Variants in HARS2 observed in about 807,000 individuals in gnomAD.
HARS2 encodes histidyl-tRNA synthetase 2, mitochondrial.
HARS2 carries 40 observed loss-of-function variants against 62.4 expected under a neutral mutation model. That is an observed-to-expected ratio of 0.64 (90% CI 0.50 to 0.83). The LOEUF is 0.83. HARS2 is among the 40% of genes least tolerant of loss of function. The pLI is 0.00. For missense variants in HARS2, 569 were observed against 626.4 expected (o/e 0.91, Z 0.98); for synonymous variants, 228 against 227.0 (o/e 1.00, Z -0.04).
In HARS2 at chr5:140,694,205, T is replaced by C. The variant is rs143687204; in HGVS notation, c.324T>C (p.Tyr108=). The part of the protein sequence containing the change: ...FELKETLTEK[Y]GEDSGLMYDL... ...TATAGGAAACCCTGACTGAGAAGTA[T>C]GGAGAGGACTCTGGGCTCATGTATG... Residue 108 remains tyrosine, a synonymous_variant, in exon 4 of 13, where the codon TAT becomes TAC. Coordinates refer to ENST00000230771, the MANE Select transcript of HARS2 (RefSeq NM_012208.4). 4,935 of 1,613,586 alleles carry C rather than the reference T, an allele frequency of 3.1e-3. 10 individuals carry two copies. The highest frequency in any genetic ancestry group is 3.8e-3 in the Non-Finnish European group (4,465 of 1,179,444).
intron 1 of HARS2, chr5:140,692,237 G>C: frequency 5.4e-6 from 1 of 184,052 alleles, no homozygotes; most frequent in South Asian, 9.1e-5. Flanking sequence ...ATAAGGGATT[G>C]TGTACTTGAA....
chr5:140,696,828 C>CTTTTTTTTT, intron 8 of HARS2, 115 bp from the exon 9 acceptor site: 1 of 656,004 alleles, frequency 1.5e-6, no homozygotes, highest in Non-Finnish European at 2.5e-6. Flanking sequence ...AGACTGGGAT[C>CTTTTTTTTT]TTTTTTTTTT....
chr5:140,698,617 G>A lies in HARS2; in HGVS notation c.*65G>A, dbSNP rs531080174. The A allele has an allele frequency of 1.0e-4, 129 of 1,233,282 alleles. No individual in the cohort carries two copies. The highest frequency in any genetic ancestry group is 5.6e-4 in the Middle Eastern group (3 of 5,348). The allele number at this position is 1,233,282 out of a possible 1,614,324, so 76.4% of individuals were successfully genotyped here. On this transcript the variant is annotated 3_prime_UTR_variant, in exon 13 of 13. Transcript: ENST00000230771. ...GTTTCCTCTAGAACTGAATTCCTCT[G>A]GAATTGAGTGATGGACTTCACAACA...
chr5:140,693,386 G>C (rs1223785986), intron 1 of HARS2: 2 of 995,752 alleles, frequency 2.0e-6, no homozygotes, highest in Non-Finnish European at 3.1e-6. Context: ...GTGAAGACCT[G>C]ACCTCATATA....
Position 140,695,608 on chromosome 5 carries a change from G to GC in HARS2, c.502dup (p.Arg168ProfsTer3). 1 of 1,614,238 alleles carries GC rather than the reference G, an allele frequency of 6.2e-7. No individual in the cohort carries two copies. The highest frequency in any genetic ancestry group is 1.1e-5 in the South Asian group (1 of 91,090). On this transcript the variant is annotated frameshift_variant, in exon 5 of 13. Transcript: ENST00000230771. LOFTEE classifies it high-confidence loss of function. The stretch of plus-strand genomic sequence containing the variant: ...CGAGAGAGCCCAACCATAGTCCAAG[G>GC]CCGTTATAGGGAGTTCTGCCAGTGT...
rs1235948749 is a variant in HARS2 at position 140,696,588 on chromosome 5, G to A, written c.800G>A (p.Arg267Gln). Residue 267 changes from arginine to glutamine, a missense_variant, in exon 8 of 13, where the codon CGA becomes CAA. Arg to Gln is a conservative substitution (Grantham distance 43, BLOSUM62 1). Coordinates refer to ENST00000230771, the MANE Select transcript of HARS2 (RefSeq NM_012208.4). ...GGCCTGGCTCCTGAGGTGGCTGATC[G>A]AATTGGGGACTATGTCCAGTGTCAT... The part of the protein sequence containing the change: ...KKGLAPEVAD[R>Q]IGDYVQCHGG... 2.5e-6 allele frequency: 4 copies of A among 1,612,360 alleles called. No homozygotes were observed. Among genetic ancestry groups the A allele is most frequent in the South Asian group, 2.2e-5 (2 of 91,024 alleles).
At position 140,691,509 on chromosome 5, in the gene HARS2, T is replaced by TA. The variant is rs928610349; in HGVS notation, c.-139dup. ...AGGATCCCACCTCAGCCTTCGTGAC[T>TA]AGTGAGGTGCGCAAACGCCCGAGTT... On this transcript the variant is annotated 5_prime_UTR_variant, in exon 1 of 13. Coordinates refer to ENST00000230771, the MANE Select transcript of HARS2 (RefSeq NM_012208.4). 6 of 745,606 alleles carry TA rather than the reference T, an allele frequency of 8.0e-6. No homozygotes were observed. Among genetic ancestry groups the TA allele is most frequent in the Non-Finnish European group, 1.4e-5 (6 of 430,470 alleles). The allele number at this position is 745,606 out of a possible 1,614,324, so 46.2% of individuals were successfully genotyped here. A position where few individuals can be genotyped will look rare whatever the true frequency, so the allele number is the denominator to read the frequency against.
In HARS2 at chr5:140,697,204, A is replaced by G; in HGVS notation, c.995A>G (p.Tyr332Cys). ...DLSLARGLDY[Y>C]TGVIYEAVLL... ...AGCCTGGCTCGGGGCCTAGACTACT[A>G]TACAGGAGTGATCTATGAAGCAGTG... The change falls in exon 10 of 13, where the codon TAT becomes TGT. Residue 332 changes from tyrosine to cysteine, a missense_variant. Coordinates refer to ENST00000230771, the MANE Select transcript of HARS2 (RefSeq NM_012208.4). The G allele has an allele frequency of 6.2e-7, 1 of 1,614,166 alleles. No individual in the cohort carries two copies. Among genetic ancestry groups the G allele is most frequent in the South Asian group, 1.1e-5 (1 of 91,078 alleles).
intron 8 of HARS2, 24 bp from the exon 9 acceptor site, chr5:140,696,919 A>T (rs914938367): frequency 8.7e-6 from 14 of 1,608,630 alleles, no homozygotes; most frequent in African/African-American, 1.3e-5. Context: ...GTGAGTGAAC[A>T]GCAGAGACTT....
At chr5:140,698,387 A>G (rs564273311) in intron 12 of HARS2, 106 bp from the exon 13 acceptor site, 57 of 902,846 alleles carry the variant, frequency 6.3e-5, no homozygotes, top group Middle Eastern at 2.1e-4. Context: ...TTCTGGTTGT[A>G]TAAGTAATGG....
At chr5:140,695,671 C>G (rs1423865519) in intron 5 of HARS2, 38 bp downstream of exon 5, 1 of 1,614,076 alleles carries the variant, frequency 6.2e-7, no homozygotes, top group African/African-American at 1.3e-5. Context: ...TTTGATAGTT[C>G]TAGGGGCCAC....
chr5:140,697,524 T>C, intron 10 of HARS2, 45 bp from the exon 11 acceptor site: 2 of 1,598,518 alleles, frequency 1.3e-6, no homozygotes, highest in Non-Finnish European at 1.7e-6. Flanking sequence ...GAATTGCTGG[T>C]GGAAAGGAGG....
chr5:140,693,720 G>C (rs1437587653), intron 2 of HARS2, 55 bp downstream of exon 2: 5 of 1,391,906 alleles, frequency 3.6e-6, no homozygotes, highest in South Asian at 2.3e-5. Flanking sequence ...ACTGACCTCT[G>C]CCTTGCATGT....
Position 140,697,573 on chromosome 5 carries a change from A to G in HARS2, c.1202A>G (p.Lys401Arg), listed in dbSNP as rs1213654488. Residue 401 changes from lysine to arginine, a missense_variant, in exon 11 of 13, where the codon AAA becomes AGA. Physicochemically the swap from Lys to Arg is conservative, Grantham distance 26. Transcript: ENST00000230771. ...FYIVEQRMKT[K>R]GEKVRTTETQ... ...TACTTTCTTCTCTCTTATTAGACCA[A>G]AGGTGAGAAGGTGCGGACTACAGAG... is the stretch of plus-strand genomic sequence containing the variant. 4.3e-6 allele frequency: 7 copies of G among 1,611,418 alleles called. No individual in the cohort carries two copies. The Admixed American group carries it at 1.0e-4, about 23-fold the overall frequency.
Position 140,697,371 on chromosome 5 carries a change from G to C in HARS2, c.1162G>C (p.Glu388Gln). ...VPCVGLSIGV[E>Q]RIFYIVEQRM... ...ATGTGTGGGACTCAGCATTGGGGTT[G>C]AGCGAATCTTCTACATTGTGGAGCA... Residue 388 changes from glutamate to glutamine, a missense_variant, in exon 10 of 13, where the codon GAG becomes CAG. By Grantham distance (29) the Glu-to-Gln change is conservative. Coordinates refer to ENST00000230771, the MANE Select transcript of HARS2 (RefSeq NM_012208.4). The C allele has an allele frequency of 1.2e-6, 2 of 1,614,042 alleles. No individual in the cohort carries two copies. Among genetic ancestry groups the C allele is most frequent in the Non-Finnish European group, 8.5e-7 (1 of 1,180,032 alleles).
intron 1 of HARS2, chr5:140,693,373 G>A (rs559689250): frequency 1.1e-5 from 9 of 847,452 alleles, no homozygotes; most frequent in South Asian, 1.6e-5. Context: ...GGAAGCTTGT[G>A]TGGTGAAGAC....
At chr5:140,691,993 T>G in intron 1 of HARS2, 1 of 585,454 alleles carries the variant, frequency 1.7e-6, no homozygotes, top group South Asian at 2.0e-5. Context: ...CAAGATTAAA[T>G]GAATGACTTA....
Position 140,696,626 on chromosome 5 carries a change from G to T in HARS2, c.826+12G>T. The T allele has an allele frequency of 6.4e-7, 1 of 1,562,552 alleles. No homozygotes were observed. Among genetic ancestry groups the T allele is most frequent in the Non-Finnish European group, 8.8e-7 (1 of 1,132,912 alleles). On this transcript the variant is annotated intron_variant, in intron 8 of 12. Transcript: ENST00000230771. Reference sequence around the variant, plus strand: ...TGTCCAGTGTCATGGTAAGAACCAGGGTTTTCAGAGCTGTGATAGAACCAG... The same window carrying T: ...TGTCCAGTGTCATGGTAAGAACCAGTGTTTTCAGAGCTGTGATAGAACCAG...
In HARS2 at chr5:140,691,518, G is replaced by A. The variant is rs981423223; in HGVS notation, c.-131G>A. 4 of 766,062 alleles carry A rather than the reference G, an allele frequency of 5.2e-6. No individual in the cohort carries two copies. The highest frequency in any genetic ancestry group is 5.1e-5 in the African/African-American group (3 of 58,420). The allele number at this position is 766,062 out of a possible 1,614,324, so 47.5% of individuals were successfully genotyped here. ...CCTCAGCCTTCGTGACTAGTGAGGT[G>A]CGCAAACGCCCGAGTTTTCCCTGGT... On this transcript the variant is annotated 5_prime_UTR_variant, in exon 1 of 13. Coordinates refer to ENST00000230771, the MANE Select transcript of HARS2 (RefSeq NM_012208.4).
Sources: allele counts gnomAD v4.1 joint callset, GRCh38; gene constraint gnomAD v4.1.1; transcripts MANE v1.5; gene names NCBI Gene and HGNC (gene_info 2026-07-23, HGNC 2026-07-21).